The following KPNA6 variants were observed in gnomAD, a reference collection of about 807,000 sequenced individuals.
KPNA6 encodes importin subunit alpha-7.
KPNA6 carries 9 observed loss-of-function variants against 72.0 expected under a neutral mutation model. The ratio of observed to expected loss-of-function variants is 0.13; its 90% CI spans 0.08 to 0.22. The LOEUF is 0.22. Ranked by LOEUF, KPNA6 falls within the 10% of genes least tolerant of loss-of-function variation. The pLI is 1.00. For missense variants in KPNA6, 374 were observed against 655.7 expected (o/e 0.57, Z 4.69); for synonymous variants, 219 against 242.1 (o/e 0.90, Z 0.89).
chr1:32,139,183 C>G (rs1458536899), intron 1 of KPNA6, among the ~76,000 whole-genome samples: 1 of 151,940 alleles, frequency 6.6e-6, no homozygotes, highest in Non-Finnish European at 1.5e-5. Context: ...TTGTAGATGC[C>G]GGGGATACAA....
intron 1 of KPNA6, among the ~76,000 whole-genome samples, chr1:32,141,354 CT>C (rs796943396): frequency 3.5e-3 from 157 of 44,328 alleles, no homozygotes; most frequent in Middle Eastern, 0.017. Context: ...TCCATTAGGG[CT>C]TTTTTTTTTT....
At chr1:32,128,424 TATAC>T (rs1259187537) in intron 1 of KPNA6, among the ~76,000 whole-genome samples, 15 of 113,238 alleles carry the variant, frequency 1.3e-4, no homozygotes, top group South Asian at 5.8e-4. Flanking sequence ...TATATATATA[TATAC>T]ACACACACAC....
intron 5 of KPNA6, among the ~76,000 whole-genome samples, 199 bp from the exon 6 acceptor site, chr1:32,159,201 C>G (rs1642195230): frequency 6.6e-6 from 1 of 152,204 alleles, no homozygotes; most frequent in African/African-American, 2.4e-5. Flanking sequence ...TTCCCACTCT[C>G]TAAAGACGGG....
At chr1:32,168,079 G>T (rs1642371524) in intron 12 of KPNA6, among the ~76,000 whole-genome samples, 3 of 152,126 alleles carry the variant, frequency 2.0e-5, no homozygotes, top group Admixed American at 2.0e-4. Flanking sequence ...GAAGCAGGAG[G>T]ATCACCTGAG....
At chr1:32,158,744 C>G (rs1209131913) in intron 5 of KPNA6, among the ~76,000 whole-genome samples, 1 of 152,188 alleles carries the variant, frequency 6.6e-6, no homozygotes, top group African/African-American at 2.4e-5. Context: ...CAGTGGGATA[C>G]TTCTATTGAC....
At chr1:32,110,513 C>A (rs1250241559) in intron 1 of KPNA6, among the ~76,000 whole-genome samples, 3 of 152,144 alleles carry the variant, frequency 2.0e-5, no homozygotes, top group Non-Finnish European at 2.9e-5. Flanking sequence ...CTAGCACAGT[C>A]CACAATAATG....
intron 1 of KPNA6, among the ~76,000 whole-genome samples, chr1:32,108,822 A>C (rs1641194104): frequency 6.6e-6 from 1 of 152,202 alleles, no homozygotes; most frequent in Non-Finnish European, 1.5e-5. Context: ...GGCCCTGGTA[A>C]GGAGAAAAGG....
intron 13 of KPNA6, 64 bp from the exon 14 acceptor site, chr1:32,170,643 A>G: frequency 7.2e-7 from 1 of 1,391,992 alleles, no homozygotes; most frequent in Non-Finnish European, 1.0e-6. Context: ...AAAAATAGGT[A>G]AATGTTTCAC....
chr1:32,150,164 ACT>A (rs1642003658), intron 1 of KPNA6, among the ~76,000 whole-genome samples: 1 of 93,490 alleles, frequency 1.1e-5, no homozygotes, highest in African/African-American at 4.3e-5. Flanking sequence ...ACAGGGTCTT[ACT>A]CTATTGCCCA....
chr1:32,126,447 C>T (rs369146997), intron 1 of KPNA6, among the ~76,000 whole-genome samples: 9 of 152,100 alleles, frequency 5.9e-5, no homozygotes, highest in African/African-American at 2.2e-4. Context: ...TGCAATGGTG[C>T]GATCTTGGCT....
chr1:32,149,112 C>CT (rs1364903871), intron 1 of KPNA6, among the ~76,000 whole-genome samples: 1 of 151,996 alleles, frequency 6.6e-6, no homozygotes, highest in Non-Finnish European at 1.5e-5. Flanking sequence ...AAGTTTGCTA[C>CT]TTTTTTTTCT....
intron 1 of KPNA6, among the ~76,000 whole-genome samples, chr1:32,137,050 A>G (rs569167900): frequency 4.6e-5 from 7 of 152,342 alleles, no homozygotes; most frequent in Non-Finnish European, 7.3e-5. Flanking sequence ...TTCAAGGACA[A>G]TGAAAATTAT....
chr1:32,154,064 G>A (rs768710208), intron 1 of KPNA6, among the ~76,000 whole-genome samples: 12 of 151,868 alleles, frequency 7.9e-5, no homozygotes, highest in Middle Eastern at 3.4e-3. Flanking sequence ...GGAGAATCAC[G>A]TGAGCCCAGG....
At chr1:32,158,576 GTTA>G (rs1642185196) in intron 5 of KPNA6, among the ~76,000 whole-genome samples, 1 of 152,132 alleles carries the variant, frequency 6.6e-6, no homozygotes, top group Admixed American at 6.5e-5. Flanking sequence ...AAATTGTGTA[GTTA>G]TTATTGACTA....
intron 12 of KPNA6, among the ~76,000 whole-genome samples, chr1:32,167,853 C>CAAAAAAAAAA (rs376077938): frequency 2.5e-5 from 2 of 80,036 alleles, no homozygotes; most frequent in Non-Finnish European, 2.9e-5. Context: ...GAGTCTGTCA[C>CAAAAAAAAAA]AAAAAAAAAA....
At chr1:32,119,026 ATATATATTTT>A (rs1436521539) in intron 1 of KPNA6, among the ~76,000 whole-genome samples, 1 of 69,390 alleles carries the variant, frequency 1.4e-5, no homozygotes, top group Non-Finnish European at 2.4e-5. Flanking sequence ...ATATATATAT[ATATATATTTT>A]TTTTTTTTTT....
chr1:32,166,284 T>C (rs1005142426), intron 11 of KPNA6, 54 bp downstream of exon 11: 25 of 1,562,176 alleles, frequency 1.6e-5, no homozygotes, highest in African/African-American at 5.5e-5. Flanking sequence ...ACTTGGGAGG[T>C]TGTTGGAATA....
At chr1:32,128,879 A>T (rs928092393) in intron 1 of KPNA6, among the ~76,000 whole-genome samples, 1 of 152,226 alleles carries the variant, frequency 6.6e-6, no homozygotes, top group Non-Finnish European at 1.5e-5. Context: ...CTGTTTACAA[A>T]GTACTTGGGT....
At chr1:32,153,385 G>A (rs1329595013) in intron 1 of KPNA6, among the ~76,000 whole-genome samples, 2 of 151,872 alleles carry the variant, frequency 1.3e-5, no homozygotes, top group Non-Finnish European at 2.9e-5. Context: ...GGCCAACATG[G>A]TGAAACCCCG....
Sources: allele counts gnomAD v4.1 joint callset (sites outside exome capture counted in the v4.1 genomes callset), GRCh38; gene constraint gnomAD v4.1.1; transcripts MANE v1.5; gene names NCBI Gene and HGNC (gene_info 2026-07-23, HGNC 2026-07-21).